KIR2DL4: variants seen among roughly 807,000 people sequenced by gnomAD.
KIR2DL4 encodes the protein killer cell immunoglobulin-like receptor 2DL4.
In KIR2DL4, 41 loss-of-function variants were observed where a neutral mutation model predicts 31.0. The observed-to-expected ratio is 1.32, with a 90% confidence interval of 1.03 to 1.72. The LOEUF is 1.72. KIR2DL4 is among the 40% of genes most tolerant of loss of function. The pLI, the probability that KIR2DL4 is intolerant of heterozygous loss-of-function variation, is 0.00. For synonymous variants in KIR2DL4, 164 were observed against 133.6 expected (o/e 1.23, Z -1.57); for missense variants, 438 against 353.7 (o/e 1.24, Z -1.91).
chr19:54,807,062 C>T (rs2147912175), intron 4 of KIR2DL4, among the ~76,000 whole-genome samples: 1 of 150,392 alleles, frequency 6.6e-6, no homozygotes, highest in Non-Finnish European at 1.5e-5. Context: ...TACCCTCCAC[C>T]CCTTCCTTCC....
In KIR2DL4 at chr19:54,805,493, C is replaced by T. The variant is rs948051461; in HGVS notation, c.361+416C>T. On this transcript the variant is annotated intron_variant, in intron 3 of 7. Coordinates refer to ENST00000359085, the Ensembl canonical transcript of KIR2DL4. ...GGGCTTTGAAGGTGGAGGAAGACCA[C>T]GAGCCACGAAGGGGCTGGAGAAATC... Among the ~76,000 whole-genome samples the T allele has an allele frequency of 1.1e-4, 16 of 150,032 alleles. No homozygotes were observed. The East Asian group carries it at 2.5e-3, about 24-fold the overall frequency.
intron 5 of KIR2DL4, among the ~76,000 whole-genome samples, chr19:54,811,813 G>A (rs1299234781): frequency 6.6e-6 from 1 of 151,192 alleles, no homozygotes; most frequent in Non-Finnish European, 1.5e-5. Flanking sequence ...TTCACAGAAA[G>A]ACAGGCTGTA....
chr19:54,813,941 A>G, exon 8 of KIR2DL4: 1 of 1,612,510 alleles, frequency 6.2e-7, no homozygotes, highest in Non-Finnish European at 8.5e-7. Context: ...GAGGAGCAAG[A>G]GACCCTCAAC....
Position 54,813,351 on chromosome 19 carries a change from G to C in KIR2DL4, c.810+123G>C. On this transcript the variant is annotated intron_variant, in intron 6 of 7. Coordinates refer to ENST00000359085, the Ensembl canonical transcript of KIR2DL4. ...TGGCCCAAGGCAGGAGCCAGAGGCAGAGCTTTCTAGAGAGAGCACCAGACA... is the reference window on the plus strand; with the variant it reads ...TGGCCCAAGGCAGGAGCCAGAGGCACAGCTTTCTAGAGAGAGCACCAGACA... 4.1e-6 allele frequency: 6 copies of C among 1,469,098 alleles called. No individual in the cohort carries two copies. The East Asian group carries it at 1.5e-4, about 36-fold the overall frequency. The allele number at this position is 1,469,098 out of a possible 1,614,324, so 91.0% of individuals were successfully genotyped here. A position where few individuals can be genotyped will look rare whatever the true frequency, so the allele number is the denominator to read the frequency against.
chr19:54,805,457 C>T (rs1034062011), intron 3 of KIR2DL4, among the ~76,000 whole-genome samples: 13 of 150,666 alleles, frequency 8.6e-5, no homozygotes, highest in Non-Finnish European at 1.9e-4. Flanking sequence ...GGATACTCCA[C>T]CAGCCACTGT....
At chr19:54,813,447 C>T (rs563126913) in intron 6 of KIR2DL4, among the ~76,000 whole-genome samples, 6 of 149,986 alleles carry the variant, frequency 4.0e-5, no homozygotes, top group Admixed American at 6.7e-5. Context: ...CCTGCAGCCA[C>T]TCACATCCAG....
chr19:54,808,792 G>A, intron 4 of KIR2DL4, 41 bp from the exon 5 acceptor site: 3 of 1,373,504 alleles, frequency 2.2e-6, no homozygotes, highest in Non-Finnish European at 3.1e-6. Flanking sequence ...TAGAAGACAG[G>A]CATCCTCATT....
exon 8 of KIR2DL4, chr19:54,814,285 T>G: frequency 2.9e-6 from 2 of 696,096 alleles, no homozygotes; most frequent in Admixed American, 5.7e-5. Context: ...CCAACCTAAC[T>G]GGCTTACTTC....
At chr19:54,808,378 A>G (rs1267576357) in intron 4 of KIR2DL4, among the ~76,000 whole-genome samples, 1 of 151,414 alleles carries the variant, frequency 6.6e-6, no homozygotes, top group African/African-American at 2.4e-5. Context: ...ATTTTTGTGT[A>G]TGGTGAGAGG....
exon 8 of KIR2DL4, chr19:54,813,951 C>A (rs1381250735): frequency 1.2e-6 from 2 of 1,612,454 alleles, no homozygotes; most frequent in East Asian, 4.5e-5. Flanking sequence ...AGACCCTCAA[C>A]AGATACCAGC....
chr19:54,807,588 C>T lies in KIR2DL4; in HGVS notation c.656-1245C>T, dbSNP rs1229153648. ...GAGTAGTTGGGATTACTGGTGCCCG[C>T]CACCACGCCTGGCTGATTTTTGTAT... is the stretch of plus-strand genomic sequence containing the variant. On this transcript the variant is annotated intron_variant, in intron 4 of 7. Coordinates refer to ENST00000359085, the Ensembl canonical transcript of KIR2DL4. 1.1e-4 allele frequency among the ~76,000 whole-genome samples: 16 copies of T among 149,402 alleles called. 1 individual carries two copies. Among genetic ancestry groups the T allele is most frequent in the Non-Finnish European group, 7.4e-5 (5 of 67,734 alleles).
exon 4 of KIR2DL4, chr19:54,806,032 C>T (rs781306288): frequency 5.6e-6 from 9 of 1,611,392 alleles, no homozygotes; most frequent in Middle Eastern, 1.6e-4. Context: ...TCCTGCAGCT[C>T]CCAGAGCTCC....
At chr19:54,803,837 G>A in intron 1 of KIR2DL4, 54 bp from the exon 2 acceptor site, 3 of 1,579,906 alleles carry the variant, frequency 1.9e-6, no homozygotes, top group Non-Finnish European at 1.7e-6. Flanking sequence ...TGGCTCAGGA[G>A]GAAAGGGTAG....
In KIR2DL4 at chr19:54,813,966, G is replaced by C. The variant is rs746058803; in HGVS notation, c.*166G>C. 1.8e-5 allele frequency: 29 copies of C among 1,611,646 alleles called. 1 individual carries two copies. Among genetic ancestry groups the C allele is most frequent in the Non-Finnish European group, 2.1e-5 (25 of 1,179,596 alleles). On this transcript the variant is annotated 3_prime_UTR_variant, in exon 8 of 8. Transcript: ENST00000359085. ...AGACCCTCAACAGATACCAGCGTGT[G>C]TATAGAACTTCCAAATGCTGAGCCC...
exon 8 of KIR2DL4, chr19:54,814,182 C>T: frequency 6.5e-7 from 1 of 1,528,886 alleles, no homozygotes; most frequent in Admixed American, 1.7e-5. Flanking sequence ...TCTTGCTTAC[C>T]AATGTCTAAG....
At chr19:54,811,379 CAG>C (rs1478463377) in intron 5 of KIR2DL4, among the ~76,000 whole-genome samples, 2 of 151,210 alleles carry the variant, frequency 1.3e-5, no homozygotes, top group Admixed American at 6.6e-5. Context: ...CCCTAGGTGA[CAG>C]AGTGAGACTC....
At chr19:54,814,011 A>G (rs1479624606) in exon 8 of KIR2DL4, 6 of 1,612,286 alleles carry the variant, frequency 3.7e-6, no homozygotes, top group Admixed American at 1.7e-5. Flanking sequence ...TCTCCTGCCC[A>G]TGAGCACCAC....
intron 3 of KIR2DL4, 48 bp from the exon 4 acceptor site, chr19:54,805,903 T>C: frequency 6.6e-7 from 1 of 1,516,016 alleles, no homozygotes; most frequent in Non-Finnish European, 8.9e-7. Context: ...GGAGGGGAGC[T>C]GTGACAAGGA....
chr19:54,805,833 T>TGAGAGAGAGAGA lies in KIR2DL4; in HGVS notation c.362-112_362-101dup, dbSNP rs3050844. On this transcript the variant is annotated intron_variant, in intron 3 of 7. Transcript: ENST00000359085. The stretch of plus-strand genomic sequence containing the variant: ...GACAGGAAGAGTTGGGGGTGGAGGG[T>TGAGAGAGAGAGA]GAGAGAGAGAGAGAGAGCACTAGGC... 3.1e-5 allele frequency: 26 copies of TGAGAGAGAGAGA among 832,516 alleles called. No individual in the cohort carries two copies. In the African/African-American group the frequency reaches 3.6e-4, roughly 11 times the overall value. 51.6% of individuals were successfully genotyped at this position (832,516 alleles called of 1,614,324 possible).
Sources: gnomAD v4.1 joint callset for allele counts (sites outside exome capture counted in the v4.1 genomes callset) on GRCh38, gnomAD v4.1.1 for gene constraint, MANE v1.5 for transcripts, NCBI Gene and HGNC (gene_info 2026-07-23, HGNC 2026-07-21) for gene names.